Variants in UNC80 observed in about 807,000 individuals in gnomAD.
UNC80 encodes unc-80 subunit of NALCN channel complex, also known as protein unc-80 homolog.
UNC80 carries 164 observed loss-of-function variants against 384.6 expected under a neutral mutation model. The ratio of observed to expected loss-of-function variants is 0.43; its 90% CI spans 0.38 to 0.49. The LOEUF (loss-of-function observed/expected upper bound fraction) is 0.49, where lower values mean the gene tolerates loss of function less well. Among genes scored for constraint, UNC80 ranks in the 20% least tolerant of loss-of-function variants. The pLI is 0.00. For synonymous variants in UNC80, 1,486 were observed against 1,527.8 expected (o/e 0.97, Z 0.64); for missense variants, 3,330 against 4,143.0 (o/e 0.80, Z 5.39).
In UNC80 at chr2:209,976,286, C is replaced by T. The variant is rs1272479643; in HGVS notation, c.8755C>T (p.Pro2919Ser). 1 of 1,551,692 alleles carries T rather than the reference C, an allele frequency of 6.4e-7. No homozygotes were observed. The highest frequency in any genetic ancestry group is 8.7e-7 in the Non-Finnish European group (1 of 1,147,020). The change falls in exon 57 of 65, where the codon CCT becomes TCT. Residue 2919 changes from proline to serine, a missense_variant. By Grantham distance (74) the Pro-to-Ser change is moderately conservative. Coordinates refer to ENST00000673920, the MANE Select transcript of UNC80 (RefSeq NM_001371986.1). This position sits in a 1 kb window ranked among gnomAD's most constrained non-coding sequence, Gnocchi z 4.3. ...AATACCCATCTTTGTGCTTTTGCGC[C>T]CTTTCATCCAGTGCAAGGTGTGGTG... Reference protein sequence around the residue: ...TRIPIFVLLRPFIQCKLLAQP... With the variant: ...TRIPIFVLLRSFIQCKLLAQP...
In UNC80 at chr2:209,976,766, A is replaced by G; in HGVS notation, c.8773-147A>G. On this transcript the variant is annotated intron_variant, in intron 57 of 64. Coordinates refer to ENST00000673920, the MANE Select transcript of UNC80 (RefSeq NM_001371986.1). The surrounding 1 kb of genome is among the most constrained non-coding windows in gnomAD (Gnocchi z 4.3). The stretch of plus-strand genomic sequence containing the variant: ...GGCAGTGATTTAAAACGATGTAATT[A>G]TTAAGCACTTCCTGTGTAAAGTGCC... 1.1e-6 allele frequency: 1 copy of G among 894,968 alleles called. No homozygotes were observed. Among genetic ancestry groups the G allele is most frequent in the Non-Finnish European group, 1.6e-6 (1 of 613,242 alleles). The allele number at this position is 894,968 out of a possible 1,614,324, so 55.4% of individuals were successfully genotyped here.
Position 209,793,732 on chromosome 2 carries a change from G to A in UNC80, c.811G>A (p.Val271Ile). ...CTGCCTCCAAAAGGGACTCCAGGTG[G>A]TTTGTGAAACATTCCAGTCTGATTC... ...DARHLEGLQV[V>I]CETFQSDSIS... is the part of the protein sequence containing the mutation. Residue 271 changes from valine to isoleucine, a missense_variant, in exon 7 of 65, where the codon GTT becomes ATT. Physicochemically the swap from Val to Ile is conservative, Grantham distance 29 (BLOSUM62 3). Coordinates refer to ENST00000673920, the MANE Select transcript of UNC80 (RefSeq NM_001371986.1). The A allele has an allele frequency of 6.2e-7, 1 of 1,613,826 alleles. No individual in the cohort carries two copies. Among genetic ancestry groups the A allele is most frequent in the Non-Finnish European group, 8.5e-7 (1 of 1,179,794 alleles).
At chr2:209,814,109 G>T (rs981350259) in intron 8 of UNC80, among the ~76,000 whole-genome samples, 3 of 152,056 alleles carry the variant, frequency 2.0e-5, no homozygotes, top group Admixed American at 2.0e-4. Flanking sequence ...TGGGTCTTCT[G>T]GATAATCAAA....
At chr2:209,815,000 T>TTC (rs1223895707) in intron 8 of UNC80, among the ~76,000 whole-genome samples, 1 of 151,984 alleles carries the variant, frequency 6.6e-6, no homozygotes, top group Admixed American at 6.6e-5. Context: ...GAGATCCATC[T>TTC]TCTCTCTATT....
intron 22 of UNC80, among the ~76,000 whole-genome samples, chr2:209,860,968 TAC>T (rs2083302774): frequency 6.6e-6 from 1 of 152,240 alleles, no homozygotes; most frequent in Non-Finnish European, 1.5e-5. Flanking sequence ...TGGTGTTTTC[TAC>T]GTATAAAATC....
In UNC80 at chr2:209,945,927, C is replaced by T. The variant is rs1366849814; in HGVS notation, c.7270C>T (p.Pro2424Ser). ...CTGTGTCACTGTGGTGGCGTATGCT[C>T]CCGAATCATTCAGAAGGTATCTGCA... ...KLCVTVVAYAPESFRSLQMLM... is the reference protein window; with the variant it reads ...KLCVTVVAYASESFRSLQMLM... The change falls in exon 47 of 65, where the codon CCC (proline) becomes TCC (serine). Residue 2424 changes from proline (P) to serine (S), a missense_variant. Coordinates refer to ENST00000673920, the MANE Select transcript of UNC80 (RefSeq NM_001371986.1). The T allele has an allele frequency of 1.9e-6, 3 of 1,551,416 alleles. No homozygotes were observed. Among genetic ancestry groups the T allele is most frequent in the Non-Finnish European group, 2.6e-6 (3 of 1,146,534 alleles).
chr2:209,805,691 G>T (rs186532009), intron 7 of UNC80, among the ~76,000 whole-genome samples: 1 of 152,206 alleles, frequency 6.6e-6, no homozygotes, highest in Non-Finnish European at 1.5e-5. Flanking sequence ...ATCAAAAATG[G>T]ATGCTTTTAT....
chr2:209,970,836 T>A lies in UNC80; in HGVS notation c.8135T>A (p.Met2712Lys). ...SLINVCVNLV[M>K]GVVGPSSVAD... is the part of the protein sequence containing the mutation. Reference sequence around the variant, plus strand: ...TGTGCTCTGTTTGTATTTCAGGTGATGGGAGTGGTAGGACCTTCCAGTGTT... The same window carrying A: ...TGTGCTCTGTTTGTATTTCAGGTGAAGGGAGTGGTAGGACCTTCCAGTGTT... Residue 2712 changes from methionine to lysine, a missense_variant, in exon 54 of 65, where the codon ATG (methionine) becomes AAG (lysine). Met to Lys is a moderately conservative substitution (Grantham distance 95, BLOSUM62 -1). Transcript: ENST00000673920. 1.3e-6 allele frequency: 2 copies of A among 1,551,518 alleles called. No individual in the cohort carries two copies. Among genetic ancestry groups the A allele is most frequent in the Non-Finnish European group, 8.7e-7 (1 of 1,146,890 alleles).
chr2:209,906,963 C>G (rs566982216), intron 29 of UNC80, among the ~76,000 whole-genome samples: 1 of 152,104 alleles, frequency 6.6e-6, no homozygotes, highest in African/African-American at 2.4e-5. Context: ...TTTCTTACTG[C>G]TATATTTTTT....
At chr2:209,897,753 G>A (rs2086947935) in intron 28 of UNC80, among the ~76,000 whole-genome samples, 2 of 152,054 alleles carry the variant, frequency 1.3e-5, no homozygotes, top group Non-Finnish European at 2.9e-5. Flanking sequence ...TCTGTGTAGT[G>A]TTCCATAAAT....
intron 59 of UNC80, among the ~76,000 whole-genome samples, chr2:209,979,393 G>T (rs1391543924): frequency 6.6e-6 from 1 of 152,160 alleles, no homozygotes; most frequent in Non-Finnish European, 1.5e-5. Flanking sequence ...TGCTTAGAGG[G>T]TTGATTGGAA....
chr2:209,884,239 T>C (rs1172994979), intron 25 of UNC80, among the ~76,000 whole-genome samples: 2 of 152,230 alleles, frequency 1.3e-5, no homozygotes, highest in Non-Finnish European at 2.9e-5. Context: ...TGTTTCCCAG[T>C]TGAATTAGTG....
intron 61 of UNC80, among the ~76,000 whole-genome samples, chr2:209,985,370 G>A (rs2539860): frequency 0.46 from 69,368 of 152,064 alleles, 16,349 homozygotes; most frequent in Middle Eastern, 0.72. Context: ...AGACAATGAT[G>A]TTATAAAAAG....
At chr2:209,832,196 C>T (rs2081021965) in intron 16 of UNC80, among the ~76,000 whole-genome samples, 1 of 151,928 alleles carries the variant, frequency 6.6e-6, no homozygotes, top group Non-Finnish European at 1.5e-5. Flanking sequence ...GACCACAAAT[C>T]GAGTTCAGTG....
At chr2:209,864,288 G>C (rs13010861) in intron 22 of UNC80, among the ~76,000 whole-genome samples, 14,120 of 152,084 alleles carry the variant, frequency 0.093, 799 homozygotes, top group South Asian at 0.24. Context: ...CCTTTATAGG[G>C]TGTCTGACAA....
chr2:209,889,141 A>C (rs185017987), intron 26 of UNC80, among the ~76,000 whole-genome samples: 9 of 152,346 alleles, frequency 5.9e-5, no homozygotes, highest in Admixed American at 2.6e-4. Context: ...TTAACCAGAT[A>C]TGAAGTTTTT....
At chr2:209,880,565 C>T (rs1174039339) in intron 24 of UNC80, among the ~76,000 whole-genome samples, 1 of 152,202 alleles carries the variant, frequency 6.6e-6, no homozygotes, top group Non-Finnish European at 1.5e-5. Context: ...GATTGAATAG[C>T]AGCGTAGAAA....
rs574817879 is a variant in UNC80 at position 209,991,075 on chromosome 2, A to G, written c.9315-1091A>G. Among the ~76,000 whole-genome samples, 61 of 152,332 alleles carry G rather than the reference A, an allele frequency of 4.0e-4. No homozygotes were observed. The South Asian group carries it at 4.1e-3, about 10-fold the overall frequency. On this transcript the variant is annotated intron_variant, in intron 61 of 64. Transcript: ENST00000673920. ...CACCAGTTTCTCTCCTTACTACTGC[A>G]GCTGGGTATTTAAGTAGCTCTTTAT... is the stretch of plus-strand genomic sequence containing the variant.
chr2:209,866,288 C>T (rs9973317), intron 22 of UNC80, among the ~76,000 whole-genome samples: 24,467 of 151,856 alleles, frequency 0.16, 2,589 homozygotes, highest in African/African-American at 0.29. Flanking sequence ...CTATGCTAAA[C>T]TCTGGATAAT....
Sources: gnomAD v4.1 joint callset for allele counts (sites outside exome capture counted in the v4.1 genomes callset) on GRCh38, gnomAD v4.1.1 for gene constraint, Gnocchi (gnomAD v3.1) non-coding constraint, MANE v1.5 for transcripts, NCBI Gene and HGNC (gene_info 2026-07-23, HGNC 2026-07-21) for gene names.